Variants in SOS1 observed in about 807,000 individuals in gnomAD.
SOS1 encodes SOS Ras/Rac guanine nucleotide exchange factor 1.
In SOS1, 25 loss-of-function variants were observed where a neutral mutation model predicts 157.6. That is an observed-to-expected ratio of 0.16 (90% CI 0.12 to 0.22). The LOEUF is 0.22. Among genes scored for constraint, SOS1 ranks in the 10% least tolerant of loss-of-function variants. The pLI is 1.00. For missense variants in SOS1, 1,237 were observed against 1,599.1 expected (o/e 0.77, Z 3.86); for synonymous variants, 528 against 534.0 (o/e 0.99, Z 0.16).
chr2:39,002,834 G>A (rs911870908), intron 17 of SOS1, among the ~76,000 whole-genome samples: 10 of 152,104 alleles, frequency 6.6e-5, no homozygotes, highest in African/African-American at 2.4e-4. Flanking sequence ...GGAGGCCAAG[G>A]CAGGTGGATC....
chr2:39,110,716 GACA>G (rs953693750), intron 1 of SOS1, among the ~76,000 whole-genome samples: 3 of 152,172 alleles, frequency 2.0e-5, no homozygotes, highest in African/African-American at 7.2e-5. Flanking sequence ...GCTTTTAAAA[GACA>G]ACATTAGGAA....
chr2:39,036,863 C>A (rs892254297), intron 6 of SOS1, among the ~76,000 whole-genome samples: 5 of 152,022 alleles, frequency 3.3e-5, no homozygotes, highest in African/African-American at 1.2e-4. Context: ...GTGTGAGCCA[C>A]CGCGCCCGGC....
intron 6 of SOS1, among the ~76,000 whole-genome samples, chr2:39,040,036 G>A (rs1670507319): frequency 6.6e-6 from 1 of 151,740 alleles, no homozygotes; most frequent in Admixed American, 6.6e-5. Flanking sequence ...TTTTGAGATG[G>A]AGTCTTGCTC....
intron 21 of SOS1, among the ~76,000 whole-genome samples, chr2:38,988,200 T>A (rs1192053801): frequency 6.6e-6 from 1 of 152,192 alleles, no homozygotes; most frequent in African/African-American, 2.4e-5. Flanking sequence ...AATCCAAAAA[T>A]TTTAACGGTG....
rs1669283282 is a variant in SOS1 at position 39,006,389 on chromosome 2, A to G, written c.2791+23T>C. ...TTTTGTTTTATCCAGAAATGCAATAAAAATTCAGAAAGAAATACTTACCAA... is the reference window on the plus strand; with the variant it reads ...TTTTGTTTTATCCAGAAATGCAATAGAAATTCAGAAAGAAATACTTACCAA... On this transcript the variant is annotated intron_variant, in intron 17 of 22. Coordinates refer to ENST00000402219, the MANE Select transcript of SOS1 (RefSeq NM_005633.4). 2.7e-6 allele frequency: 3 copies of G among 1,105,974 alleles called. No individual in the cohort carries two copies. In the Admixed American group the frequency reaches 5.1e-5, roughly 19 times the overall value. The allele number at this position is 1,105,974 out of a possible 1,614,324, so 68.5% of individuals were successfully genotyped here.
intron 1 of SOS1, among the ~76,000 whole-genome samples, chr2:39,116,021 T>C (rs1201589514): frequency 1.3e-5 from 2 of 152,222 alleles, no homozygotes; most frequent in Admixed American, 6.5e-5. Context: ...CATTGGATTG[T>C]TTCCAGTTTT....
At chr2:39,014,086 G>A in intron 11 of SOS1, 97 bp from the exon 12 acceptor site, 2 of 857,014 alleles carry the variant, frequency 2.3e-6, no homozygotes, top group Non-Finnish European at 3.7e-6. Context: ...AAAATCAAGA[G>A]AATACTGTAA....
intron 10 of SOS1, among the ~76,000 whole-genome samples, chr2:39,016,917 T>G (rs1384974123): frequency 6.6e-6 from 1 of 152,124 alleles, no homozygotes; most frequent in Non-Finnish European, 1.5e-5. Context: ...GCAAGCTATT[T>G]CTAAACAGAC....
intron 1 of SOS1, among the ~76,000 whole-genome samples, chr2:39,087,095 T>C (rs1331503238): frequency 6.6e-6 from 1 of 152,198 alleles, no homozygotes; most frequent in African/African-American, 2.4e-5. Flanking sequence ...ATTATAGGCA[T>C]GATCCACTGC....
intron 9 of SOS1, 145 bp from the exon 10 acceptor site, chr2:39,023,370 A>G (rs1166384324): frequency 3.4e-6 from 2 of 592,942 alleles, no homozygotes; most frequent in Non-Finnish European, 5.5e-6. Context: ...GAATTACAAA[A>G]TTACACAATT....
chr2:39,119,772 C>G (rs888458983), intron 1 of SOS1, among the ~76,000 whole-genome samples: 2 of 152,228 alleles, frequency 1.3e-5, no homozygotes, highest in Non-Finnish European at 2.9e-5. Context: ...CAAAACCCCC[C>G]TGAAATTGGT....
intron 1 of SOS1, among the ~76,000 whole-genome samples, chr2:39,077,320 C>CAAAA (rs11362922): frequency 7.2e-6 from 1 of 138,496 alleles, no homozygotes. Context: ...ACTCCTTCTC[C>CAAAA]AAAAAAAAAA....
intron 8 of SOS1, among the ~76,000 whole-genome samples, chr2:39,027,255 C>G (rs1404877760): frequency 1.3e-5 from 2 of 152,044 alleles, no homozygotes; most frequent in East Asian, 3.8e-4. Context: ...GATTTTCTAT[C>G]CTAAAAATGT....
At chr2:39,077,485 T>A (rs1003467373) in intron 1 of SOS1, among the ~76,000 whole-genome samples, 1 of 152,114 alleles carries the variant, frequency 6.6e-6, no homozygotes, top group Non-Finnish European at 1.5e-5. Context: ...TTGAAACAAT[T>A]TTCTGAAAAA....
chr2:39,113,357 C>CTT (rs573347245), intron 1 of SOS1, among the ~76,000 whole-genome samples: 1 of 137,356 alleles, frequency 7.3e-6, no homozygotes, highest in Non-Finnish European at 1.6e-5. Flanking sequence ...TACCTGTCTT[C>CTT]TTTTTTTTTT....
intron 6 of SOS1, among the ~76,000 whole-genome samples, chr2:39,040,163 C>T (rs1191103015): frequency 6.6e-6 from 1 of 151,966 alleles, no homozygotes; most frequent in African/African-American, 2.4e-5. Context: ...AAGCGCCCGC[C>T]ACTACACCCG....
intron 5 of SOS1, among the ~76,000 whole-genome samples, chr2:39,052,518 A>G (rs774812295): frequency 3.3e-5 from 5 of 152,130 alleles, no homozygotes; most frequent in Non-Finnish European, 7.4e-5. Context: ...TTGTCTCTAT[A>G]GACATGTCTT....
At chr2:39,106,362 G>A (rs297163) in intron 1 of SOS1, among the ~76,000 whole-genome samples, 1,849 of 151,934 alleles carry the variant, frequency 0.012, 39 homozygotes, top group African/African-American at 0.042. Flanking sequence ...AGGCCGAGGC[G>A]GGCGGATCAC....
At chr2:39,053,358 T>G (rs1224408901) in intron 5 of SOS1, among the ~76,000 whole-genome samples, 1 of 152,214 alleles carries the variant, frequency 6.6e-6, no homozygotes. Context: ...CTCTAATGAT[T>G]AGTGATGTTG....
Sources: gnomAD v4.1 joint callset for allele counts (sites outside exome capture counted in the v4.1 genomes callset) on GRCh38, gnomAD v4.1.1 for gene constraint, MANE v1.5 for transcripts, NCBI Gene and HGNC (gene_info 2026-07-23, HGNC 2026-07-21) for gene names.